ANP32B: variants seen among roughly 807,000 people sequenced by gnomAD.
ANP32B encodes acidic nuclear phosphoprotein 32 family member B, also known as acidic leucine-rich nuclear phosphoprotein 32 family member B.
A neutral mutation model predicts 32.2 loss-of-function variants in ANP32B; 6 were observed. The ratio of observed to expected loss-of-function variants is 0.19; its 90% confidence interval spans 0.10 to 0.37. The LOEUF is 0.37. Ranked by LOEUF, ANP32B falls within the 10% of genes least tolerant of loss-of-function variation. ANP32B has a pLI of 1.00. For synonymous variants in ANP32B, 98 were observed against 105.8 expected (o/e 0.93, Z 0.45); for missense variants, 204 against 289.2 (o/e 0.71, Z 2.14).
chr9:98,011,316 A>T lies in ANP32B; in HGVS notation c.563A>T (p.Glu188Val). ...GAGGACGATGAGGATGGTGAAGAAG[A>T]GGAGTTTGATGAAGAAGATGATGAA... The part of the protein sequence containing the change: ...EDEDDEDGEE[E>V]EFDEEDDEDE... The change falls in exon 5 of 7, where the codon GAG becomes GTG. Residue 188 changes from glutamate to valine, a missense_variant. Physicochemically the swap from Glu to Val is moderately radical, Grantham distance 121 (BLOSUM62 -2). Transcript: ENST00000339399. 2 of 1,549,384 alleles carry T rather than the reference A, an allele frequency of 1.3e-6. No homozygotes were observed. The highest frequency in any genetic ancestry group is 1.7e-6 in the Non-Finnish European group (2 of 1,143,620).
chr9:98,000,499 A>C (rs1297309571), intron 3 of ANP32B, among the ~76,000 whole-genome samples: 1 of 152,228 alleles, frequency 6.6e-6, no homozygotes, highest in Non-Finnish European at 1.5e-5. Context: ...ATCCAAGGAC[A>C]TGAACATTTG....
intron 5 of ANP32B, among the ~76,000 whole-genome samples, chr9:98,012,124 T>C (rs537033383): frequency 6.6e-6 from 1 of 152,224 alleles, no homozygotes; most frequent in Non-Finnish European, 1.5e-5. Flanking sequence ...TAAATCTGTT[T>C]TGAAATTTGA....
In ANP32B at chr9:97,994,711, G is replaced by T. The variant is rs1218929127; in HGVS notation, c.135G>T (p.Glu45Asp). ...TAACAGCTGAATTTGTGAACTTAGA[G>T]TTCCTCAGTTTAATAAATGTAGGCT... Reference protein sequence around the residue: ...EGLTAEFVNLEFLSLINVGLI... With the variant: ...EGLTAEFVNLDFLSLINVGLI... Residue 45 changes from glutamate (E) to aspartate (D), a missense_variant, in exon 2 of 7, where the codon GAG becomes GAT. Coordinates refer to ENST00000339399, the MANE Select transcript of ANP32B (RefSeq NM_006401.3). 6.8e-6 allele frequency: 11 copies of T among 1,611,990 alleles called. No individual in the cohort carries two copies. Among genetic ancestry groups the T allele is most frequent in the Non-Finnish European group, 9.3e-6 (11 of 1,179,486 alleles).
At chr9:98,003,328 G>A (rs1828025678) in intron 3 of ANP32B, among the ~76,000 whole-genome samples, 1 of 152,200 alleles carries the variant, frequency 6.6e-6, no homozygotes, top group Admixed American at 6.5e-5. Flanking sequence ...TCAAGAAGAT[G>A]AAGTTCTTCA....
chr9:97,985,744 C>T (rs974583440), intron 1 of ANP32B, among the ~76,000 whole-genome samples: 1 of 152,264 alleles, frequency 6.6e-6, no homozygotes, highest in East Asian at 1.9e-4. Context: ...TGCTGTTCCC[C>T]TTAGAGGATG....
At chr9:97,983,703 G>A (rs905008308) in intron 1 of ANP32B, 94 bp downstream of exon 1, 12 of 1,078,140 alleles carry the variant, frequency 1.1e-5, no homozygotes, top group South Asian at 1.8e-5. Flanking sequence ...CGCCGGCCCC[G>A]GCGCGGGGAA....
intron 1 of ANP32B, among the ~76,000 whole-genome samples, chr9:97,988,191 A>T (rs938422292): frequency 6.6e-6 from 1 of 151,948 alleles, no homozygotes; most frequent in Non-Finnish European, 1.5e-5. Context: ...TATTTTATAG[A>T]CTCATTATTA....
chr9:98,005,608 C>G (rs183445891), intron 4 of ANP32B, among the ~76,000 whole-genome samples: 1 of 152,226 alleles, frequency 6.6e-6, no homozygotes, highest in East Asian at 1.9e-4. Flanking sequence ...TGAATGTAGG[C>G]ATTCCATTAA....
chr9:97,996,343 G>A (rs949076446), intron 2 of ANP32B, among the ~76,000 whole-genome samples: 2 of 152,142 alleles, frequency 1.3e-5, no homozygotes, highest in Admixed American at 1.3e-4. Flanking sequence ...CGTTTTTATA[G>A]GGACTTTAAT....
At position 97,998,614 on chromosome 9, in the gene ANP32B, C is replaced by T. The variant is rs750761331; in HGVS notation, c.263C>T (p.Pro88Leu). The T allele has an allele frequency of 7.4e-6, 12 of 1,612,486 alleles. 1 individual carries two copies. In the South Asian group the frequency reaches 1.3e-4, roughly 18 times the overall value. ...GGLDMLAEKL[P>L]NLTHLNLSGN... is the part of the protein sequence containing the mutation. ...CTGGACATGTTAGCTGAAAAACTTC[C>T]AAATCTCACACATCTAAACTTAAGT... Residue 88 changes from proline to leucine, a missense_variant, in exon 3 of 7, where the codon CCA (proline) becomes CTA (leucine). Pro to Leu is a moderately conservative substitution (Grantham distance 98). Transcript: ENST00000339399.
intron 4 of ANP32B, chr9:98,005,385 C>CTA (rs1171317299): frequency 3.3e-6 from 1 of 302,358 alleles, no homozygotes; most frequent in African/African-American, 2.2e-5. Flanking sequence ...TGTGGTGGCG[C>CTA]ACACCTGGAG....
intron 2 of ANP32B, among the ~76,000 whole-genome samples, chr9:97,995,951 A>AG (rs1554724037): frequency 6.7e-6 from 1 of 149,876 alleles, no homozygotes; most frequent in Non-Finnish European, 1.5e-5. Flanking sequence ...AAAAAAAAAA[A>AG]GTATAATACA....
At chr9:98,011,814 C>T (rs566726071) in intron 5 of ANP32B, among the ~76,000 whole-genome samples, 4 of 152,182 alleles carry the variant, frequency 2.6e-5, no homozygotes, top group African/African-American at 9.6e-5. Flanking sequence ...GTTGGGAGTA[C>T]AAAATGAAAT....
chr9:98,001,567 C>T (rs1462442292), intron 3 of ANP32B, among the ~76,000 whole-genome samples: 1 of 152,142 alleles, frequency 6.6e-6, no homozygotes, highest in Non-Finnish European at 1.5e-5. Flanking sequence ...CTGGCCATTA[C>T]CTAGTTCTCG....
At chr9:98,013,924 G>A (rs906068650) in intron 6 of ANP32B, among the ~76,000 whole-genome samples, 4 of 152,142 alleles carry the variant, frequency 2.6e-5, no homozygotes, top group Admixed American at 2.6e-4. Flanking sequence ...GGAAGCTGAG[G>A]TGGGAGGACT....
At chr9:97,985,055 C>T in intron 1 of ANP32B, among the ~76,000 whole-genome samples, 1 of 149,450 alleles carries the variant, frequency 6.7e-6, no homozygotes, top group Non-Finnish European at 1.5e-5. Context: ...CGCGGCTGCC[C>T]GCCGTCGCGA....
intron 3 of ANP32B, among the ~76,000 whole-genome samples, chr9:98,001,417 C>T (rs1018864622): frequency 2.6e-4 from 40 of 151,580 alleles, no homozygotes; most frequent in Admixed American, 2.5e-3. Context: ...TGGTCTCGAT[C>T]TCCTGAGCTC....
chr9:98,000,329 A>T (rs1242755552), intron 3 of ANP32B, among the ~76,000 whole-genome samples: 1 of 152,082 alleles, frequency 6.6e-6, no homozygotes, highest in Non-Finnish European at 1.5e-5. Flanking sequence ...TTAAGAGCTT[A>T]TTTCTCATAA....
At chr9:98,008,250 G>A (rs1828121340) in intron 4 of ANP32B, among the ~76,000 whole-genome samples, 1 of 152,116 alleles carries the variant, frequency 6.6e-6, no homozygotes, top group African/African-American at 2.4e-5. Context: ...TCTGAGCATT[G>A]GGATTTTTGA....
Sources: allele counts gnomAD v4.1 joint callset (sites outside exome capture counted in the v4.1 genomes callset), GRCh38; gene constraint gnomAD v4.1.1; transcripts MANE v1.5; gene names NCBI Gene and HGNC (gene_info 2026-07-23, HGNC 2026-07-21).